RABGAP1L: variants seen among roughly 807,000 people sequenced by gnomAD.
RABGAP1L encodes RAB GTPase activating protein 1 like.
In RABGAP1L, 63 loss-of-function variants were observed where a neutral mutation model predicts 137.7. That is an observed-to-expected ratio of 0.46 (90% CI 0.37 to 0.56). The LOEUF (loss-of-function observed/expected upper bound fraction) is 0.56, where lower values mean the gene tolerates loss of function less well. RABGAP1L is among the 20% of genes least tolerant of loss of function. The probability of loss-of-function intolerance (pLI) is 0.00; values close to 1 mark genes in which losing one functional copy is unlikely to be tolerated. For synonymous variants in RABGAP1L, 431 were observed against 433.7 expected (o/e 0.99, Z 0.08); for missense variants, 1,095 against 1,244.0 (o/e 0.88, Z 1.80).
chr1:174,665,041 G>C lies in RABGAP1L; in HGVS notation c.1825-18481G>C, dbSNP rs1169238446. ...CATGAGCCACTGCCCAGCCGACGAT[G>C]GTTATTTCTCTACATTCTTTAAAGT... On this transcript the variant is annotated intron_variant, in intron 14 of 25. Transcript: ENST00000681986. 2.6e-5 allele frequency among the ~76,000 whole-genome samples: 4 copies of C among 151,918 alleles called. No homozygotes were observed. In the East Asian group the frequency reaches 7.7e-4, roughly 29 times the overall value.
At chr1:174,631,949 G>T (rs574197219) in intron 13 of RABGAP1L, among the ~76,000 whole-genome samples, 5,297 of 93,678 alleles carry the variant, frequency 0.057, 222 homozygotes, top group Admixed American at 0.081. Flanking sequence ...ATGTTAGCTG[G>T]TGATTTTGCT....
intron 20 of RABGAP1L, chr1:174,958,164 A>G (rs1268416631): frequency 6.9e-7 from 1 of 1,450,804 alleles, no homozygotes; most frequent in Non-Finnish European, 9.2e-7. Context: ...GAAAAATAAA[A>G]ATCACAAAGG....
At chr1:174,561,754 G>A (rs963061506) in intron 13 of RABGAP1L, among the ~76,000 whole-genome samples, 2 of 152,086 alleles carry the variant, frequency 1.3e-5, no homozygotes, top group African/African-American at 4.8e-5. Context: ...AGCAATGGGG[G>A]AAAGATTCCG....
chr1:174,937,439 C>G (rs893733675), intron 19 of RABGAP1L, among the ~76,000 whole-genome samples: 1 of 148,784 alleles, frequency 6.7e-6, no homozygotes, highest in Non-Finnish European at 1.5e-5. Flanking sequence ...TGCCCGCCAC[C>G]ACACCCCGCT....
chr1:174,453,578 T>C (rs1655686231), intron 13 of RABGAP1L, among the ~76,000 whole-genome samples: 1 of 152,184 alleles, frequency 6.6e-6, no homozygotes, highest in Non-Finnish European at 1.5e-5. Context: ...CATAGGAGCA[T>C]GTATGTGTTA....
rs144581773 is a variant in RABGAP1L, at chr1:174,376,992, A to G, written c.1559+5920A>G. 2.4e-4 allele frequency among the ~76,000 whole-genome samples: 36 copies of G among 152,350 alleles called. No individual in the cohort carries two copies. In the East Asian group the frequency reaches 5.8e-3, roughly 24 times the overall value. On this transcript the variant is annotated intron_variant, in intron 12 of 25. Coordinates refer to ENST00000681986, the MANE Select transcript of RABGAP1L (RefSeq NM_001366446.1). ...ACAAACAAACAAAACTCCTAGATCT[A>G]ATAAATGAGTTTTACAATGTTAAAA...
At chr1:174,296,519 G>A (rs536545728) in intron 10 of RABGAP1L, among the ~76,000 whole-genome samples, 7 of 152,300 alleles carry the variant, frequency 4.6e-5, no homozygotes, top group African/African-American at 1.2e-4. Flanking sequence ...TAGGAATTGC[G>A]TAACAGATAT....
chr1:174,783,854 G>A (rs1484345945), intron 18 of RABGAP1L, among the ~76,000 whole-genome samples: 9 of 149,114 alleles, frequency 6.0e-5, no homozygotes, highest in Middle Eastern at 3.5e-3. Context: ...GACTACAGGC[G>A]CATGCCACCA....
intron 20 of RABGAP1L, among the ~76,000 whole-genome samples, chr1:174,963,114 T>A (rs1205249682): frequency 1.3e-5 from 2 of 152,002 alleles, no homozygotes; most frequent in African/African-American, 4.8e-5. Context: ...AAAAAAAAAT[T>A]TTTTTTCTGC....
chr1:174,886,012 A>ATTT (rs530537282), intron 19 of RABGAP1L, among the ~76,000 whole-genome samples: 14 of 135,898 alleles, frequency 1.0e-4, no homozygotes, highest in Non-Finnish European at 1.6e-4. Flanking sequence ...AGAGAAACCA[A>ATTT]TTTTTTTTTT....
intron 1 of RABGAP1L, among the ~76,000 whole-genome samples, chr1:174,163,862 C>G (rs1174666237): frequency 6.6e-6 from 1 of 151,922 alleles, no homozygotes; most frequent in African/African-American, 2.4e-5. Context: ...CTAAATTCAG[C>G]AAGAACTATG....
rs1657048910 is a variant in RABGAP1L at position 174,464,295 on chromosome 1, T to TC, written c.1710+70154dup. ...TACAAAGTTATAATTTGTGATGCTT[T>TC]CCCCATCCTTAATTAATTGTTCTCT... On this transcript the variant is annotated intron_variant, in intron 13 of 25. Coordinates refer to ENST00000681986, the MANE Select transcript of RABGAP1L (RefSeq NM_001366446.1). 2.6e-5 allele frequency among the ~76,000 whole-genome samples: 4 copies of TC among 151,546 alleles called. No individual in the cohort carries two copies. In the South Asian group the frequency reaches 8.3e-4, roughly 32 times the overall value.
At chr1:174,739,023 TCTC>T (rs1368095578) in intron 17 of RABGAP1L, among the ~76,000 whole-genome samples, 5 of 152,210 alleles carry the variant, frequency 3.3e-5, no homozygotes, top group East Asian at 1.9e-4. Context: ...AATGGAGACA[TCTC>T]CTCCTCACTA....
chr1:174,812,596 G>A (rs1389378600), intron 19 of RABGAP1L, among the ~76,000 whole-genome samples: 5 of 152,194 alleles, frequency 3.3e-5, no homozygotes, highest in Admixed American at 6.5e-5. Context: ...TAACCATAAC[G>A]TAAATATAAA....
chr1:174,428,741 T>A (rs1321883295), intron 13 of RABGAP1L, among the ~76,000 whole-genome samples: 2 of 152,188 alleles, frequency 1.3e-5, no homozygotes, highest in Non-Finnish European at 1.5e-5. Context: ...TGAGTGTGTG[T>A]ATTTTATCCA....
chr1:174,210,306 T>A (rs542678349), intron 1 of RABGAP1L, among the ~76,000 whole-genome samples: 2 of 152,238 alleles, frequency 1.3e-5, no homozygotes, highest in African/African-American at 4.8e-5. Flanking sequence ...AAATTCAAAA[T>A]AGCTGTTTTG....
At chr1:174,264,618 T>C (rs1673894598) in intron 7 of RABGAP1L, among the ~76,000 whole-genome samples, 1 of 152,170 alleles carries the variant, frequency 6.6e-6, no homozygotes, top group Non-Finnish European at 1.5e-5. Context: ...TTTCTCACAG[T>C]CTTTTTAATT....
rs778211199 is a variant in RABGAP1L at position 174,919,019 on chromosome 1, CTT to C, written c.2341-38422_2341-38421del. Among the ~76,000 whole-genome samples, 529 of 134,700 alleles carry C rather than the reference CTT, an allele frequency of 3.9e-3. 2 individuals carry two copies. Among genetic ancestry groups the C allele is most frequent in the African/African-American group, 0.011 (407 of 37,046 alleles). The allele number at this position is 134,700 out of a possible 152,430, so 88.4% of individuals were successfully genotyped here. A position where few individuals can be genotyped will look rare whatever the true frequency, so the allele number is the denominator to read the frequency against. On this transcript the variant is annotated intron_variant, in intron 19 of 25. Transcript: ENST00000681986. ...GACAGAGCAAGACCTTGTCTTTTTT[CTT>C]TTTTTTTTTTTTTTTGAGACAGAGT...
At chr1:174,212,216 C>CT (rs1307520650) in intron 1 of RABGAP1L, among the ~76,000 whole-genome samples, 1 of 151,982 alleles carries the variant, frequency 6.6e-6, no homozygotes, top group Non-Finnish European at 1.5e-5. Context: ...TAAGGATAGA[C>CT]CGTACTTAGG....
Sources: gnomAD v4.1 joint callset for allele counts (sites outside exome capture counted in the v4.1 genomes callset) on GRCh38, gnomAD v4.1.1 for gene constraint, MANE v1.5 for transcripts, NCBI Gene and HGNC (gene_info 2026-07-23, HGNC 2026-07-21) for gene names.